LY86: variants seen among roughly 807,000 people sequenced by gnomAD.
LY86 encodes lymphocyte antigen 86.
Under a neutral mutation model 17.3 loss-of-function variants are expected in LY86, and 20 were observed. That is an observed-to-expected ratio of 1.15 (90% CI 0.81 to 1.68). The LOEUF is 1.68. Ranked by LOEUF, LY86 falls within the 40% of genes most tolerant of loss-of-function variation. The pLI is 0.00. For synonymous variants in LY86, 74 were observed against 70.6 expected (o/e 1.05, Z -0.24); for missense variants, 200 against 191.9 (o/e 1.04, Z -0.25).
intron 1 of LY86, among the ~76,000 whole-genome samples, chr6:6,613,891 T>C (rs1761476923): frequency 6.6e-6 from 1 of 152,328 alleles, no homozygotes; most frequent in South Asian, 2.1e-4. Context: ...CAGTGCAGTG[T>C]AAAGAGCGAA....
rs372490354 is a variant in LY86 at position 6,601,923 on chromosome 6, C to T, written c.136+13053C>T. On this transcript the variant is annotated intron_variant, in intron 1 of 4. Coordinates refer to ENST00000230568, the MANE Select transcript of LY86 (RefSeq NM_004271.4). Reference sequence around the variant, plus strand: ...GCAGCCTCCTAATTTATAAATATGGCAACTATTTTAAGTGTGTTTCAACAT... The same window carrying T: ...GCAGCCTCCTAATTTATAAATATGGTAACTATTTTAAGTGTGTTTCAACAT... Among the ~76,000 whole-genome samples the T allele has an allele frequency of 1.3e-4, 20 of 152,216 alleles. No homozygotes were observed. The South Asian group carries it at 4.1e-3, about 32-fold the overall frequency.
intron 1 of LY86, among the ~76,000 whole-genome samples, chr6:6,607,031 G>C (rs763287168): frequency 6.6e-6 from 1 of 152,276 alleles, no homozygotes; most frequent in Non-Finnish European, 1.5e-5. Flanking sequence ...CCAGAGGAGG[G>C]GATTGCACGG....
chr6:6,640,360 C>G (rs1032696887), intron 3 of LY86, among the ~76,000 whole-genome samples: 10 of 151,492 alleles, frequency 6.6e-5, no homozygotes, highest in African/African-American at 2.4e-4. Context: ...GAATTCCAGA[C>G]CAGCCTGGGC....
chr6:6,622,642 C>T (rs1761706217), intron 1 of LY86: 1 of 152,196 alleles, frequency 6.6e-6, no homozygotes, highest in Non-Finnish European at 1.5e-5. Flanking sequence ...GTTAGATTTG[C>T]AAGGCTGAAA....
chr6:6,594,437 G>C (rs542325694), intron 1 of LY86, among the ~76,000 whole-genome samples: 1 of 121,122 alleles, frequency 8.3e-6, no homozygotes, highest in Non-Finnish European at 1.9e-5. Context: ...CATTCTTTTA[G>C]ATGTTGTTTA....
intron 1 of LY86, among the ~76,000 whole-genome samples, chr6:6,605,866 A>G (rs1761113614): frequency 6.6e-6 from 1 of 150,920 alleles, no homozygotes; most frequent in African/African-American, 2.5e-5. Context: ...GGGCATCTGG[A>G]GCTCTTCGTT....
intron 1 of LY86, among the ~76,000 whole-genome samples, chr6:6,613,227 G>A (rs1022070603): frequency 6.9e-6 from 1 of 144,940 alleles, no homozygotes; most frequent in African/African-American, 2.6e-5. Context: ...AGTGGATCCG[G>A]CACTAGGGCC....
chr6:6,613,070 A>G (rs989239033), intron 1 of LY86, among the ~76,000 whole-genome samples: 4 of 152,168 alleles, frequency 2.6e-5, no homozygotes, highest in Non-Finnish European at 2.9e-5. Flanking sequence ...AGTCCCCACC[A>G]GAGTAGCCAG....
At chr6:6,636,601 G>A (rs1462833941) in intron 3 of LY86, among the ~76,000 whole-genome samples, 1 of 152,152 alleles carries the variant, frequency 6.6e-6, no homozygotes, top group Non-Finnish European at 1.5e-5. Flanking sequence ...AGATGCCTTT[G>A]GTCTAAGCCT....
chr6:6,612,070 G>A (rs1458913640), intron 1 of LY86, among the ~76,000 whole-genome samples: 5 of 152,256 alleles, frequency 3.3e-5, no homozygotes, highest in South Asian at 2.1e-4. Flanking sequence ...AAAAGCCAAT[G>A]TATTAGCAAG....
chr6:6,611,897 A>C (rs947567236), intron 1 of LY86, among the ~76,000 whole-genome samples: 1 of 148,472 alleles, frequency 6.7e-6, no homozygotes. Context: ...AAAATAAGAA[A>C]AAAATCAGAC....
At chr6:6,606,773 C>T (rs1396087285) in intron 1 of LY86, among the ~76,000 whole-genome samples, 2 of 152,072 alleles carry the variant, frequency 1.3e-5, no homozygotes, top group African/African-American at 2.4e-5. Flanking sequence ...CCCGCAAGCG[C>T]CGCGCGCAGC....
chr6:6,636,892 C>CAAA (rs3842507), intron 3 of LY86, among the ~76,000 whole-genome samples: 139 of 131,404 alleles, frequency 1.1e-3, no homozygotes, highest in Middle Eastern at 7.8e-3. Context: ...CCTCGAACTG[C>CAAA]AAAAAAAAAA....
intron 1 of LY86, among the ~76,000 whole-genome samples, chr6:6,596,080 C>T (rs557252325): frequency 1.3e-5 from 2 of 152,336 alleles, no homozygotes; most frequent in African/African-American, 4.8e-5. Flanking sequence ...TGCTACAGGG[C>T]AGGTGCTTTA....
At chr6:6,594,519 C>A (rs962874633) in intron 1 of LY86, among the ~76,000 whole-genome samples, 12 of 152,180 alleles carry the variant, frequency 7.9e-5, no homozygotes, top group Admixed American at 5.9e-4. Flanking sequence ...GCGTTATAAT[C>A]ATCTGGAACT....
intron 3 of LY86, among the ~76,000 whole-genome samples, chr6:6,647,452 C>G (rs1762122666): frequency 6.6e-6 from 1 of 152,126 alleles, no homozygotes; most frequent in Non-Finnish European, 1.5e-5. Context: ...TTCCTCACCT[C>G]CTTATCTCTC....
intron 2 of LY86, 92 bp from the exon 3 acceptor site, chr6:6,626,201 G>A (rs1451789126): frequency 6.2e-6 from 8 of 1,292,456 alleles, no homozygotes; most frequent in Non-Finnish European, 8.6e-6. Flanking sequence ...GAAACAAAAG[G>A]TTCTTTAGCT....
chr6:6,606,837 G>A (rs1361637191), intron 1 of LY86, among the ~76,000 whole-genome samples: 1 of 152,284 alleles, frequency 6.6e-6, no homozygotes, highest in Non-Finnish European at 1.5e-5. Context: ...CTGAGGGAGC[G>A]GGCTCCGGCC....
At chr6:6,629,770 A>C (rs1761871667) in intron 3 of LY86, among the ~76,000 whole-genome samples, 1 of 152,272 alleles carries the variant, frequency 6.6e-6, no homozygotes, top group Non-Finnish European at 1.5e-5. Flanking sequence ...TTCAAAGACC[A>C]GCTGATGCTC....
Sources: allele counts gnomAD v4.1 joint callset (sites outside exome capture counted in the v4.1 genomes callset), GRCh38; gene constraint gnomAD v4.1.1; transcripts MANE v1.5; gene names NCBI Gene and HGNC (gene_info 2026-07-23, HGNC 2026-07-21).